PIGU: variants seen among roughly 807,000 people sequenced by gnomAD.
PIGU encodes GPI-anchor transamidase component PIGU.
In PIGU, 24 loss-of-function variants were observed where a neutral mutation model predicts 49.9. The ratio of observed to expected loss-of-function variants is 0.48; its 90% CI spans 0.35 to 0.68. The LOEUF (loss-of-function observed/expected upper bound fraction) is 0.68, where lower values mean the gene tolerates loss of function less well. PIGU is among the 30% of genes least tolerant of loss of function. PIGU has a pLI of 0.01. For missense variants in PIGU, 490 were observed against 532.6 expected, an observed-to-expected ratio of 0.92 and a Z score of 0.79; for synonymous variants, 220 against 205.7, an observed-to-expected ratio of 1.07 and a Z score of -0.59.
intron 1 of PIGU, among the ~76,000 whole-genome samples, chr20:34,676,646 T>G (rs1378913535): frequency 6.6e-6 from 1 of 151,920 alleles, no homozygotes; most frequent in Non-Finnish European, 1.5e-5. Flanking sequence ...CTCCTCTTAT[T>G]CCAACCCTTC....
At chr20:34,598,294 C>T (rs1468798074) in intron 7 of PIGU, among the ~76,000 whole-genome samples, 3 of 152,028 alleles carry the variant, frequency 2.0e-5, no homozygotes, top group Admixed American at 2.0e-4. Context: ...ATGGAACTTG[C>T]CACACTGGAG....
intron 6 of PIGU, among the ~76,000 whole-genome samples, chr20:34,616,874 G>C (rs1568641411): frequency 6.6e-6 from 1 of 152,180 alleles, no homozygotes; most frequent in Non-Finnish European, 1.5e-5. Context: ...AGCACTTCGA[G>C]AGGCCGAGTC....
rs762357406 is a variant in PIGU at position 34,585,464 on chromosome 20, TAGA to T, written c.896_898del (p.Phe299del). 6.2e-7 allele frequency: 1 copy of T among 1,614,162 alleles called. No homozygotes were observed. Among genetic ancestry groups the T allele is most frequent in the Non-Finnish European group, 8.5e-7 (1 of 1,179,980 alleles). ...TAGCTTTATGGCTAAGGGGATGGTG[TAGA>T]AGAAGACGTTGATCTGAAACACACA... On this transcript the variant is annotated inframe_deletion, in exon 9 of 12. Coordinates refer to ENST00000217446, the MANE Select transcript of PIGU (RefSeq NM_080476.5).
At chr20:34,671,729 G>A (rs1987311645) in intron 1 of PIGU, among the ~76,000 whole-genome samples, 1 of 151,908 alleles carries the variant, frequency 6.6e-6, no homozygotes, top group Non-Finnish European at 1.5e-5. Flanking sequence ...AGACCAGACT[G>A]ACTAACATGG....
At chr20:34,644,717 C>T (rs1986277143) in intron 3 of PIGU, among the ~76,000 whole-genome samples, 1 of 152,114 alleles carries the variant, frequency 6.6e-6, no homozygotes, top group African/African-American at 2.4e-5. Flanking sequence ...TGAAGCTTCT[C>T]GCCCCTGAAA....
intron 6 of PIGU, among the ~76,000 whole-genome samples, chr20:34,632,610 C>T (rs1479380190): frequency 1.3e-5 from 2 of 152,110 alleles, no homozygotes; most frequent in Non-Finnish European, 2.9e-5. Context: ...CGTGATCTAC[C>T]TGCCTTGGCC....
At chr20:34,634,543 C>A in intron 6 of PIGU, 72 bp downstream of exon 6, 8 of 1,425,048 alleles carry the variant, frequency 5.6e-6, no homozygotes, top group East Asian at 5.5e-5. Context: ...CAAAACAAAA[C>A]CACAGCACAA....
chr20:34,612,933 A>C (rs1984875458), intron 7 of PIGU, among the ~76,000 whole-genome samples: 1 of 152,062 alleles, frequency 6.6e-6, no homozygotes, highest in Non-Finnish European at 1.5e-5. Context: ...CAGGCAGTTC[A>C]TAGCAGCGTA....
chr20:34,589,649 CTTTTTTTTTT>C (rs34119895), intron 7 of PIGU, among the ~76,000 whole-genome samples: 1 of 53,694 alleles, frequency 1.9e-5, no homozygotes, highest in Non-Finnish European at 3.1e-5. Flanking sequence ...CTGCACCTGG[CTTTTTTTTTT>C]TTTTTTTTTT....
At chr20:34,665,234 C>G (rs539640527) in intron 1 of PIGU, among the ~76,000 whole-genome samples, 15 of 108,880 alleles carry the variant, frequency 1.4e-4, no homozygotes, top group African/African-American at 5.4e-4. Context: ...GACTGAGTCT[C>G]GCTCTGTCGC....
At chr20:34,671,473 G>A (rs1270026055) in intron 1 of PIGU, among the ~76,000 whole-genome samples, 5 of 151,960 alleles carry the variant, frequency 3.3e-5, no homozygotes, top group Admixed American at 2.0e-4. Context: ...ATGTCGGTCA[G>A]GCTAGTCCCG....
At chr20:34,667,527 A>G (rs558404236) in intron 1 of PIGU, among the ~76,000 whole-genome samples, 419 of 152,326 alleles carry the variant, frequency 2.8e-3, no homozygotes, top group African/African-American at 9.6e-3. Flanking sequence ...GGTCAAGATG[A>G]AAGCGGTCCC....
Position 34,640,037 on chromosome 20 carries a change from A to G in PIGU, c.319-2052T>C, listed in dbSNP as rs577426011. On this transcript the variant is annotated intron_variant, in intron 4 of 11. Transcript: ENST00000217446. ...CTGGAGTGGGTGAGATCCACAAAGA[A>G]GGCTGTGAGAAAGGAATAGAGTTCA... Among the ~76,000 whole-genome samples the G allele has an allele frequency of 3.9e-5, 6 of 152,286 alleles. No individual in the cohort carries two copies. In the East Asian group the frequency reaches 7.7e-4, roughly 20 times the overall value.
chr20:34,672,064 G>A (rs755967595), intron 1 of PIGU, among the ~76,000 whole-genome samples: 1 of 152,020 alleles, frequency 6.6e-6, no homozygotes, highest in Non-Finnish European at 1.5e-5. Flanking sequence ...TTAGCGTCCC[G>A]AGTAGCTGAG....
chr20:34,630,164 G>A (rs781609458), intron 6 of PIGU, among the ~76,000 whole-genome samples: 11 of 151,894 alleles, frequency 7.2e-5, no homozygotes, highest in Non-Finnish European at 1.0e-4. Flanking sequence ...CCCCAACTAT[G>A]TGCAGCCAAA....
intron 6 of PIGU, among the ~76,000 whole-genome samples, chr20:34,622,093 A>C (rs560965985): frequency 1.3e-5 from 2 of 152,246 alleles, no homozygotes; most frequent in Non-Finnish European, 2.9e-5. Context: ...AGAACACAAA[A>C]GGGGCTCCCG....
chr20:34,602,607 C>T (rs1415042539), intron 7 of PIGU, among the ~76,000 whole-genome samples: 1 of 151,878 alleles, frequency 6.6e-6, no homozygotes, highest in Non-Finnish European at 1.5e-5. Flanking sequence ...AAAAAACAAA[C>T]AAAAAAATAA....
chr20:34,676,776 C>T (rs1310710417), intron 1 of PIGU, among the ~76,000 whole-genome samples, 180 bp downstream of exon 1: 3 of 152,134 alleles, frequency 2.0e-5, no homozygotes, highest in Non-Finnish European at 4.4e-5. Flanking sequence ...CGCCCCGGTC[C>T]CCACGCCCCC....
intron 7 of PIGU, among the ~76,000 whole-genome samples, chr20:34,596,749 T>G: frequency 6.6e-6 from 1 of 152,226 alleles, no homozygotes; most frequent in East Asian, 1.9e-4. Flanking sequence ...TCAAATCGTT[T>G]ACATAGTTAT....
Sources: allele counts gnomAD v4.1 joint callset (sites outside exome capture counted in the v4.1 genomes callset), GRCh38; gene constraint gnomAD v4.1.1; transcripts MANE v1.5; gene names NCBI Gene and HGNC (gene_info 2026-07-23, HGNC 2026-07-21).